The following INSL6 variants were observed in gnomAD, a reference collection of about 807,000 sequenced individuals.
INSL6 encodes the protein insulin like 6.
In INSL6, 16 loss-of-function variants were observed where a neutral mutation model predicts 9.4. That is an observed-to-expected ratio of 1.70 (90% CI 1.15 to 2.59). The LOEUF (loss-of-function observed/expected upper bound fraction) is 2.59. INSL6 is among the 30% of genes most tolerant of loss of function. The pLI, the probability that INSL6 is intolerant of heterozygous loss-of-function variation, is 0.00. For missense variants in INSL6, 391 were observed against 257.3 expected (o/e 1.52, Z -3.56); for synonymous variants, 154 against 96.9 (o/e 1.59, Z -3.46).
the INSL6 span, among the ~76,000 whole-genome samples, chr9:5,061,643 A>G: frequency 6.6e-6 from 1 of 152,208 alleles, no homozygotes. Context: ...TTGATCTTCT[A>G]TCTAGAACTT....
the INSL6 span, among the ~76,000 whole-genome samples, chr9:4,999,701 G>A: frequency 6.6e-6 from 1 of 152,116 alleles, no homozygotes; most frequent in African/African-American, 2.4e-5. Flanking sequence ...CACCCATCTT[G>A]GCCTCCCAAA....
chr9:5,117,607 G>A, the INSL6 span, among the ~76,000 whole-genome samples: 9 of 152,046 alleles, frequency 5.9e-5, no homozygotes, highest in African/African-American at 2.2e-4. Flanking sequence ...GTTTATTTTG[G>A]AAATAGTTGT....
chr9:5,041,814 A>T, the INSL6 span: 1 of 484,438 alleles, frequency 2.1e-6, no homozygotes, highest in Admixed American at 2.3e-5. Context: ...GCACAGCAAA[A>T]ACCAGGCGCT....
the INSL6 span, chr9:5,054,649 G>A: frequency 1.5e-5 from 24 of 1,612,988 alleles, no homozygotes; most frequent in Middle Eastern, 1.6e-4. The surrounding 1 kb of genome is among the most constrained non-coding windows in gnomAD (Gnocchi z 4.9). Context: ...TACAGATTTC[G>A]CAGATTTATT....
At chr9:4,997,908 T>C in the INSL6 span, among the ~76,000 whole-genome samples, 1 of 152,136 alleles carries the variant, frequency 6.6e-6, no homozygotes, top group Non-Finnish European at 1.5e-5. Context: ...TGTTTATCCA[T>C]AGGTGCTTAA....
chr9:5,174,475 G>A (rs929312150), intron 1 of INSL6, among the ~76,000 whole-genome samples: 1 of 152,064 alleles, frequency 6.6e-6, no homozygotes, highest in East Asian at 1.9e-4. Context: ...TTCATCATTT[G>A]GTTTCCACGA....
the INSL6 span, chr9:5,099,325 A>G: frequency 1.6e-4 from 24 of 152,312 alleles, 2 homozygotes; most frequent in African/African-American, 5.5e-4. Context: ...CCACATCTAC[A>G]CTAAAATATC....
At chr9:5,107,687 G>T in the INSL6 span, among the ~76,000 whole-genome samples, 1 of 151,922 alleles carries the variant, frequency 6.6e-6, no homozygotes, top group African/African-American at 2.4e-5. Flanking sequence ...TATCACTACT[G>T]GTAAAATTAA....
chr9:5,157,928 G>A (rs1824846152), intron 2 of INSL6, among the ~76,000 whole-genome samples: 1 of 151,902 alleles, frequency 6.6e-6, no homozygotes, highest in Admixed American at 6.6e-5. Context: ...GCTGTTTTAA[G>A]GAAACCCAAA....
chr9:5,126,538 G>A, intron 3 of INSL6: 1 of 980,816 alleles, frequency 1.0e-6, no homozygotes, highest in Admixed American at 2.2e-5. Context: ...TTAATGTGCG[G>A]AGCTTCCAGA....
chr9:5,145,630 TA>T (rs571254270), intron 2 of INSL6, among the ~76,000 whole-genome samples: 84 of 152,334 alleles, frequency 5.5e-4, no homozygotes, highest in African/African-American at 2.0e-3. Flanking sequence ...CACAATCCCA[TA>T]TTTCTTGGAA....
At position 5,164,138 on chromosome 9, in the gene INSL6, T is replaced by G. The variant is rs146156603; in HGVS notation, c.417A>C (p.Val139=). The part of the protein sequence containing the change: ...REFSSSHNIN[V]YIHENAKFQK... ...GAAATTTTGCATTCTCATGAATATA[T>G]ACATTGATATTATGTGATGAAGAAA... The change falls in exon 2 of 2, where the codon GTA becomes GTC. Residue 139 remains valine (V), a synonymous_variant. Coordinates refer to ENST00000381641, the MANE Select transcript of INSL6 (RefSeq NM_007179.3). 2.9e-4 allele frequency: 460 copies of G among 1,610,510 alleles called. No homozygotes were observed. In the African/African-American group the frequency reaches 4.4e-3, roughly 15 times the overall value.
chr9:5,106,895 G>A, the INSL6 span, among the ~76,000 whole-genome samples: 186 of 152,160 alleles, frequency 1.2e-3, 1 homozygote, highest in African/African-American at 3.9e-3. Flanking sequence ...AAAGGGGCCC[G>A]GGGGAGGGAT....
the INSL6 span, among the ~76,000 whole-genome samples, chr9:5,044,104 A>T: frequency 1.1e-4 from 16 of 152,170 alleles, no homozygotes; most frequent in Non-Finnish European, 4.4e-5. Context: ...ATGTTACTGG[A>T]TTAAGCTATG....
the INSL6 span, among the ~76,000 whole-genome samples, chr9:5,036,392 G>C: frequency 1.3e-5 from 2 of 151,980 alleles, no homozygotes; most frequent in Admixed American, 1.3e-4. Context: ...AGTTCATATG[G>C]AACCAAAAAA....
the INSL6 span, chr9:5,078,309 G>T: frequency 6.2e-7 from 1 of 1,611,116 alleles, no homozygotes; most frequent in Non-Finnish European, 8.5e-7. Flanking sequence ...CTAATAGGAA[G>T]AAAACACCCT....
the INSL6 span, among the ~76,000 whole-genome samples, chr9:5,082,127 T>C: frequency 6.7e-6 from 1 of 148,576 alleles, no homozygotes; most frequent in Non-Finnish European, 1.5e-5. Context: ...GACAAAAGTA[T>C]AGAGAAAGAA....
intron 2 of INSL6, among the ~76,000 whole-genome samples, chr9:5,142,380 T>C (rs924205105): frequency 6.6e-6 from 1 of 152,344 alleles, no homozygotes; most frequent in East Asian, 1.9e-4. Context: ...ATGTCATCTC[T>C]GATTTCTTTG....
At chr9:5,184,335 C>T (rs182999087) in intron 1 of INSL6, among the ~76,000 whole-genome samples, 10 of 152,262 alleles carry the variant, frequency 6.6e-5, no homozygotes. Context: ...AATCTTCTTC[C>T]TATGGATACA....
Sources: allele counts gnomAD v4.1 joint callset (sites outside exome capture counted in the v4.1 genomes callset), GRCh38; gene constraint gnomAD v4.1.1; non-coding constraint Gnocchi (gnomAD v3.1); transcripts MANE v1.5; gene names NCBI Gene and HGNC (gene_info 2026-07-23, HGNC 2026-07-21).